CHN1: variants seen among roughly 807,000 people sequenced by gnomAD.
CHN1 encodes the protein N-chimaerin.
In CHN1, 37 loss-of-function variants were observed where a neutral mutation model predicts 59.5. The ratio of observed to expected loss-of-function variants is 0.62; its 90% CI spans 0.48 to 0.82. The LOEUF (loss-of-function observed/expected upper bound fraction) is 0.82. Among genes scored for constraint, CHN1 ranks in the 40% least tolerant of loss-of-function variants. The pLI is 0.00. For synonymous variants in CHN1, 206 were observed against 200.4 expected (o/e 1.03, Z -0.24); for missense variants, 469 against 571.0 (o/e 0.82, Z 1.82).
chr2:174,940,027 TTTTA>T (rs1193094790), intron 3 of CHN1, among the ~76,000 whole-genome samples: 1 of 152,068 alleles, frequency 6.6e-6, no homozygotes, highest in Admixed American at 6.6e-5. Flanking sequence ...TTTTATTTTA[TTTTA>T]TTTATTTATT....
chr2:174,869,565 A>G (rs1170063818), intron 6 of CHN1, among the ~76,000 whole-genome samples: 10 of 152,130 alleles, frequency 6.6e-5, no homozygotes, highest in Admixed American at 5.2e-4. Flanking sequence ...GAGTTTCTAT[A>G]TATTGATTGT....
At chr2:174,844,275 C>T (rs2105431875) in intron 7 of CHN1, among the ~76,000 whole-genome samples, 1 of 151,816 alleles carries the variant, frequency 6.6e-6, no homozygotes, top group Non-Finnish European at 1.5e-5. Flanking sequence ...TAAAAAAACC[C>T]CAAACCCCAA....
chr2:175,003,795 CAA>C (rs1479061945), intron 1 of CHN1, among the ~76,000 whole-genome samples: 1 of 152,114 alleles, frequency 6.6e-6, no homozygotes, highest in Non-Finnish European at 1.5e-5. Context: ...AGTTTTGCCA[CAA>C]AAGAGCCATG....
At chr2:174,897,988 A>G (rs1688271369) in intron 5 of CHN1, among the ~76,000 whole-genome samples, 1 of 152,210 alleles carries the variant, frequency 6.6e-6, no homozygotes, top group South Asian at 2.1e-4. Flanking sequence ...CAGTGATAGC[A>G]TCCTGATTTT....
intron 5 of CHN1, among the ~76,000 whole-genome samples, chr2:174,879,633 T>C (rs1687673782): frequency 6.6e-6 from 1 of 152,220 alleles, no homozygotes; most frequent in Admixed American, 6.5e-5. Context: ...GCTTTCATCA[T>C]TTCCTTTTTT....
intron 3 of CHN1, among the ~76,000 whole-genome samples, chr2:174,934,645 A>C (rs1319834529): frequency 6.6e-6 from 1 of 152,160 alleles, no homozygotes; most frequent in Non-Finnish European, 1.5e-5. Flanking sequence ...GAAATTCCGA[A>C]ATATTTCATT....
At chr2:174,875,895 G>A in intron 6 of CHN1, 2 of 891,802 alleles carry the variant, frequency 2.2e-6, no homozygotes, top group East Asian at 1.2e-4. Context: ...ATTTTTGAGT[G>A]AGTAGATTTT....
intron 3 of CHN1, among the ~76,000 whole-genome samples, chr2:174,920,825 G>A (rs1421929731): frequency 6.6e-6 from 1 of 152,114 alleles, no homozygotes; most frequent in Non-Finnish European, 1.5e-5. Context: ...CACTTACTGT[G>A]TACTTTATTT....
At chr2:174,874,687 T>C (rs918872219) in intron 6 of CHN1, among the ~76,000 whole-genome samples, 1 of 152,062 alleles carries the variant, frequency 6.6e-6, no homozygotes, top group Non-Finnish European at 1.5e-5. Context: ...CTTAGGAAAT[T>C]ATCTGGTTCA....
intron 1 of CHN1, among the ~76,000 whole-genome samples, chr2:174,955,526 G>A (rs1450234387): frequency 2.0e-5 from 3 of 151,584 alleles, no homozygotes. Flanking sequence ...CTACCCACTG[G>A]GTACAGTGTA....
At chr2:174,907,983 A>G (rs1208621987) in intron 5 of CHN1, among the ~76,000 whole-genome samples, 1 of 152,200 alleles carries the variant, frequency 6.6e-6, no homozygotes, top group African/African-American at 2.4e-5. Flanking sequence ...ATTTTTCCAA[A>G]TAGTTCTTAC....
At chr2:174,966,130 T>C (rs1690581887) in intron 1 of CHN1, among the ~76,000 whole-genome samples, 1 of 152,142 alleles carries the variant, frequency 6.6e-6, no homozygotes, top group Admixed American at 6.6e-5. Context: ...ACAACTAAGA[T>C]AATTAAAATT....
chr2:174,918,459 T>C (rs1688913221), intron 4 of CHN1, 75 bp downstream of exon 4: 3 of 1,108,816 alleles, frequency 2.7e-6, no homozygotes, highest in Non-Finnish European at 3.7e-6. Context: ...CTTGCTTTCA[T>C]TTAAAAGCAT....
At chr2:174,983,823 G>A (rs182222923) in intron 1 of CHN1, among the ~76,000 whole-genome samples, 81 of 151,362 alleles carry the variant, frequency 5.4e-4, no homozygotes, top group African/African-American at 1.7e-3. Context: ...GCAAGACTCC[G>A]TCTTAAAAAT....
At chr2:174,961,211 GAAGA>G in intron 1 of CHN1, among the ~76,000 whole-genome samples, 1 of 62,750 alleles carries the variant, frequency 1.6e-5, no homozygotes. Flanking sequence ...GGGAGGGAGG[GAAGA>G]AGGGAGGGAG....
intron 1 of CHN1, among the ~76,000 whole-genome samples, chr2:174,990,231 GTC>G (rs1453315291): frequency 3.1e-5 from 4 of 130,720 alleles, no homozygotes; most frequent in African/African-American, 6.0e-5. Context: ...TGTGTGGTGT[GTC>G]TGTGTGTGTG....
At chr2:174,847,612 A>C in intron 6 of CHN1, 4 of 1,319,028 alleles carry the variant, frequency 3.0e-6, no homozygotes, top group Non-Finnish European at 4.0e-6. Context: ...GGTGGGGGGA[A>C]GGGAGGGATT....
intron 5 of CHN1, among the ~76,000 whole-genome samples, chr2:174,907,051 G>T (rs1305450292): frequency 6.6e-6 from 1 of 152,060 alleles, no homozygotes; most frequent in Non-Finnish European, 1.5e-5. Flanking sequence ...ATAACTCAAA[G>T]GCTCTGAACA....
At chr2:174,996,305 T>C (rs1486235966) in intron 1 of CHN1, among the ~76,000 whole-genome samples, 1 of 152,222 alleles carries the variant, frequency 6.6e-6, no homozygotes, top group Non-Finnish European at 1.5e-5. Context: ...ATGGCACTTA[T>C]TCAGCCACAC....
Sources: allele counts gnomAD v4.1 joint callset (sites outside exome capture counted in the v4.1 genomes callset), GRCh38; gene constraint gnomAD v4.1.1; transcripts MANE v1.5; gene names NCBI Gene and HGNC (gene_info 2026-07-23, HGNC 2026-07-21).